The following TBXAS1 variants were observed in gnomAD, a reference collection of about 807,000 sequenced individuals.
TBXAS1 encodes the protein thromboxane-A synthase.
TBXAS1 carries 48 observed loss-of-function variants against 60.7 expected under a neutral mutation model. That is an observed-to-expected ratio of 0.79 (90% CI 0.63 to 1.01). TBXAS1 has a LOEUF of 1.01. Among genes scored for constraint, TBXAS1 ranks in the 50% least tolerant of loss-of-function variants. TBXAS1 has a pLI of 0.00. For missense variants in TBXAS1, 685 were observed against 686.3 expected, an observed-to-expected ratio of 1.00 and a Z score of 0.02; for synonymous variants, 287 against 269.7, an observed-to-expected ratio of 1.06 and a Z score of -0.63.
chr7:140,018,443 C>T (rs971058684), intron 12 of TBXAS1, among the ~76,000 whole-genome samples: 1 of 152,184 alleles, frequency 6.6e-6, no homozygotes, highest in African/African-American at 2.4e-5. Context: ...ACAGCCTCTT[C>T]CCAACAACAT....
chr7:139,872,776 T>G (rs1040926233), intron 2 of TBXAS1, among the ~76,000 whole-genome samples: 1 of 152,240 alleles, frequency 6.6e-6, no homozygotes, highest in South Asian at 2.1e-4. Flanking sequence ...TGTTCTGTGA[T>G]GCCATGAGCC....
At position 139,892,075 on chromosome 7, in the gene TBXAS1, G is replaced by A. The variant is rs1159976889; in HGVS notation, c.236+16438G>A. On this transcript the variant is annotated intron_variant, in intron 3 of 12. Transcript: ENST00000448866. ...AGGGACATGTTCTCCTGATACACTA[G>A]CTGGGCTCCACTCACCCAAGTCATT... Among the ~76,000 whole-genome samples, 3 of 152,176 alleles carry A rather than the reference G, an allele frequency of 2.0e-5. No homozygotes were observed. In the South Asian group the frequency reaches 6.2e-4, roughly 32 times the overall value.
chr7:139,882,130 C>G (rs1026689581), intron 3 of TBXAS1, among the ~76,000 whole-genome samples: 2 of 152,144 alleles, frequency 1.3e-5, no homozygotes, highest in Admixed American at 6.6e-5. Context: ...GGTTGAAGAA[C>G]AGCATAGAGA....
At chr7:139,878,135 GA>G (rs1569506243) in intron 3 of TBXAS1, among the ~76,000 whole-genome samples, 2 of 150,910 alleles carry the variant, frequency 1.3e-5, no homozygotes, top group Admixed American at 6.6e-5. Flanking sequence ...GAGAGAAGGA[GA>G]GAGAGAGAGA....
chr7:139,863,107 G>A (rs1801084180), intron 1 of TBXAS1, among the ~76,000 whole-genome samples: 1 of 152,116 alleles, frequency 6.6e-6, no homozygotes, highest in Admixed American at 6.5e-5. Context: ...TTGTTGGAGG[G>A]CTTGTACAAG....
At chr7:140,017,280 G>A (rs1025001064) in intron 11 of TBXAS1, among the ~76,000 whole-genome samples, 2 of 152,216 alleles carry the variant, frequency 1.3e-5, no homozygotes, top group Non-Finnish European at 2.9e-5. Context: ...TGGCGGCTGG[G>A]TCATCCTATG....
At chr7:139,991,707 T>G (rs1812917663) in intron 9 of TBXAS1, among the ~76,000 whole-genome samples, 1 of 152,206 alleles carries the variant, frequency 6.6e-6, no homozygotes, top group East Asian at 1.9e-4. Flanking sequence ...AGTGGTGACT[T>G]GGCCTCATAG....
chr7:140,009,761 CCCACACCTGCCCCACACCCGCT>C (rs1278950030), intron 10 of TBXAS1, among the ~76,000 whole-genome samples: 1 of 127,898 alleles, frequency 7.8e-6, no homozygotes, highest in Non-Finnish European at 1.7e-5. Flanking sequence ...CCATACCTGC[CCCACACCTGCCCCACACCCGCT>C]CCACACCTGC....
At position 139,885,755 on chromosome 7, in the gene TBXAS1, T is replaced by C. The variant is rs139558549; in HGVS notation, c.236+10118T>C. Among the ~76,000 whole-genome samples, 650 of 152,344 alleles carry C rather than the reference T, an allele frequency of 4.3e-3. 5 individuals carry two copies. The highest frequency in any genetic ancestry group is 0.015 in the African/African-American group (622 of 41,584). On this transcript the variant is annotated intron_variant, in intron 3 of 12. Transcript: ENST00000448866. Reference sequence around the variant, plus strand: ...ACTATTTTGTGAGCAGAGGAACTTTTTCCAAACAAGTTCTTAGAAATCCTT... The same window carrying C: ...ACTATTTTGTGAGCAGAGGAACTTTCTCCAAACAAGTTCTTAGAAATCCTT...
intron 1 of TBXAS1, among the ~76,000 whole-genome samples, chr7:139,829,711 C>T (rs566668966): frequency 6.6e-6 from 1 of 152,304 alleles, no homozygotes; most frequent in African/African-American, 2.4e-5. Context: ...GAGAACGCTA[C>T]ACATAATTAA....
chr7:140,005,411 AG>A (rs1282584581), intron 9 of TBXAS1, among the ~76,000 whole-genome samples: 1 of 151,994 alleles, frequency 6.6e-6, no homozygotes, highest in Non-Finnish European at 1.5e-5. Context: ...CTTGGGCGAC[AG>A]AAAAAGACTC....
At chr7:139,927,082 C>T (rs1584871760) in intron 4 of TBXAS1, among the ~76,000 whole-genome samples, 1 of 152,134 alleles carries the variant, frequency 6.6e-6, no homozygotes, top group Admixed American at 6.5e-5. Context: ...GCAACCTCCA[C>T]CTCTTGGGTT....
In TBXAS1 at chr7:139,984,644, A is replaced by AG. The variant is rs1569522277; in HGVS notation, c.1134+22411_1134+22412insG. Among the ~76,000 whole-genome samples, 107 of 82,184 alleles carry AG rather than the reference A, an allele frequency of 1.3e-3. 3 individuals are homozygous for AG. The highest frequency in any genetic ancestry group is 5.6e-3 in the African/African-American group (97 of 17,472). The allele number at this position is 82,184 out of a possible 152,430, so 53.9% of individuals were successfully genotyped here. A position where few individuals can be genotyped will look rare whatever the true frequency, so the allele number is the denominator to read the frequency against. ...AGAGAGAGAGAGAGAGAGAGAGAGA[A>AG]AGAAAGAAAGGGAAGGGGGAAAGAA... is the stretch of plus-strand genomic sequence containing the variant. On this transcript the variant is annotated intron_variant, in intron 9 of 12. Transcript: ENST00000448866.
At chr7:139,902,351 C>T (rs1404859371) in intron 3 of TBXAS1, among the ~76,000 whole-genome samples, 3 of 152,060 alleles carry the variant, frequency 2.0e-5, no homozygotes, top group African/African-American at 7.3e-5. Context: ...GTTATGTAAA[C>T]AGAATCATAC....
chr7:140,009,384 C>G (rs964346514), intron 10 of TBXAS1, among the ~76,000 whole-genome samples: 2 of 152,196 alleles, frequency 1.3e-5, no homozygotes, highest in Admixed American at 1.3e-4. Flanking sequence ...GGACACACAC[C>G]TGCTTGGCTG....
intron 3 of TBXAS1, chr7:139,906,030 A>C (rs1286079852): frequency 9.0e-6 from 3 of 332,676 alleles, no homozygotes. Context: ...ATAAGGTATG[A>C]GGTTCATATT....
intron 10 of TBXAS1, 82 bp from the exon 11 acceptor site, chr7:140,015,641 C>A: frequency 6.6e-7 from 1 of 1,524,722 alleles, no homozygotes; most frequent in Non-Finnish European, 9.0e-7. Flanking sequence ...CCTTCACACT[C>A]AGACTCTGCC....
At position 139,992,579 on chromosome 7, in the gene TBXAS1, T is replaced by A. The variant is rs144872143; in HGVS notation, c.1135-14512T>A. ...TGCAGAAGAAGGCAAAGGGCTGAAA[T>A]AGCATCAGGTGGAGGAGGCGGCCCT... On this transcript the variant is annotated intron_variant, in intron 9 of 12. Transcript: ENST00000448866. Among the ~76,000 whole-genome samples, 478 of 152,294 alleles carry A rather than the reference T, an allele frequency of 3.1e-3. 5 individuals are homozygous for A. The highest frequency in any genetic ancestry group is 0.011 in the African/African-American group (456 of 41,570).
At chr7:139,892,647 G>A (rs1486239896) in intron 3 of TBXAS1, among the ~76,000 whole-genome samples, 2 of 152,002 alleles carry the variant, frequency 1.3e-5, no homozygotes, top group African/African-American at 4.8e-5. Context: ...AAAAAAACTT[G>A]AGCACCTACC....
Sources: allele counts gnomAD v4.1 joint callset (sites outside exome capture counted in the v4.1 genomes callset), GRCh38; gene constraint gnomAD v4.1.1; transcripts MANE v1.5; gene names NCBI Gene and HGNC (gene_info 2026-07-23, HGNC 2026-07-21).